Variants in GXYLT2 observed in about 807,000 individuals in gnomAD.
The protein encoded by GXYLT2 is glucoside xylosyltransferase 2.
Under a neutral mutation model 45.8 loss-of-function variants are expected in GXYLT2, and 53 were observed. The ratio of observed to expected loss-of-function variants is 1.16; its 90% confidence interval spans 0.93 to 1.46. GXYLT2 has a LOEUF of 1.46. Ranked by LOEUF, GXYLT2 falls within the 40% of genes most tolerant of loss-of-function variation. GXYLT2 has a pLI of 0.00. For synonymous variants in GXYLT2, 219 were observed against 214.2 expected (o/e 1.02, Z -0.19); for missense variants, 551 against 544.4 (o/e 1.01, Z -0.12).
At chr3:72,906,344 C>G (rs1709510080) in intron 1 of GXYLT2, among the ~76,000 whole-genome samples, 1 of 152,144 alleles carries the variant, frequency 6.6e-6, no homozygotes, top group Non-Finnish European at 1.5e-5. Flanking sequence ...TCGCTACCTC[C>G]CCTCCTGCAG....
rs3078688 is a variant in GXYLT2, at chr3:72,954,399, C to CTGTGTGTGTGTGTGTGTGTG, written c.601-683_601-664dup. ...GGAATTACAGGCCACTGCTCCCAGC[C>CTGTGTGTGTGTGTGTGTGTG]TGTGTGTGTGTGTGTGTGTGTGTGT... On this transcript the variant is annotated intron_variant, in intron 3 of 6. Coordinates refer to ENST00000389617, the MANE Select transcript of GXYLT2 (RefSeq NM_001080393.2). Among the ~76,000 whole-genome samples, 600 of 133,870 alleles carry CTGTGTGTGTGTGTGTGTGTG rather than the reference C, an allele frequency of 4.5e-3. 10 individuals are homozygous for CTGTGTGTGTGTGTGTGTGTG. The highest frequency in any genetic ancestry group is 0.016 in the African/African-American group (547 of 33,886). The allele number at this position is 133,870 out of a possible 152,430, so 87.8% of individuals were successfully genotyped here. A position where few individuals can be genotyped will look rare whatever the true frequency, so the allele number is the denominator to read the frequency against.
chr3:72,891,607 A>G (rs1006395698), intron 1 of GXYLT2, among the ~76,000 whole-genome samples: 2 of 152,216 alleles, frequency 1.3e-5, no homozygotes, highest in African/African-American at 4.8e-5. Context: ...AGTGCACAAA[A>G]CAAATGAAAT....
intron 1 of GXYLT2, among the ~76,000 whole-genome samples, chr3:72,905,857 T>C (rs1300929508): frequency 6.6e-6 from 1 of 152,232 alleles, no homozygotes; most frequent in Non-Finnish European, 1.5e-5. Flanking sequence ...AATCTCTTTA[T>C]TATTTGGATT....
At chr3:72,905,970 G>T (rs1251268304) in intron 1 of GXYLT2, among the ~76,000 whole-genome samples, 2 of 152,120 alleles carry the variant, frequency 1.3e-5, no homozygotes, top group African/African-American at 4.8e-5. Flanking sequence ...GCAGGTGAGG[G>T]TATTCATATT....
At chr3:72,919,887 A>G (rs1201451501) in intron 2 of GXYLT2, among the ~76,000 whole-genome samples, 1 of 152,224 alleles carries the variant, frequency 6.6e-6, no homozygotes, top group Non-Finnish European at 1.5e-5. Context: ...GCCAAAATCC[A>G]TAGAAAGAGT....
At chr3:72,968,559 C>G (rs1004822066) in intron 6 of GXYLT2, among the ~76,000 whole-genome samples, 1 of 152,198 alleles carries the variant, frequency 6.6e-6, no homozygotes, top group Non-Finnish European at 1.5e-5. Context: ...TTTTCCCCAC[C>G]AAAGGGTACA....
chr3:72,901,398 A>G (rs1157961770), intron 1 of GXYLT2, among the ~76,000 whole-genome samples: 1 of 150,924 alleles, frequency 6.6e-6, no homozygotes, highest in African/African-American at 2.4e-5. Context: ...CGAGAGGCAG[A>G]GGTTGCAGTA....
intron 3 of GXYLT2, among the ~76,000 whole-genome samples, chr3:72,944,257 T>C (rs1371619361): frequency 2.0e-5 from 1 of 49,864 alleles, no homozygotes; most frequent in Non-Finnish European, 4.0e-5. Context: ...CTGGCTCTTT[T>C]TTTTTCTTTT....
intron 5 of GXYLT2, among the ~76,000 whole-genome samples, chr3:72,958,339 A>G (rs1710690196): frequency 6.6e-6 from 1 of 152,036 alleles, no homozygotes; most frequent in Non-Finnish European, 1.5e-5. Flanking sequence ...AAAAAAAGCA[A>G]TCCTTACCCT....
chr3:72,975,345 T>TC lies in GXYLT2; in HGVS notation c.*187dup. On this transcript the variant is annotated 3_prime_UTR_variant, in exon 7 of 7. Transcript: ENST00000389617. ...GAATATGCTTTTCCTTATTTTTTTT[T>TC]CTAAAATGCTATTTATCTCTAAGGA... 1 of 414,492 alleles carries TC rather than the reference T, an allele frequency of 2.4e-6. No homozygotes were observed. 25.7% of individuals were successfully genotyped at this position (414,492 alleles called of 1,614,324 possible).
chr3:72,908,594 A>C, intron 2 of GXYLT2, 35 bp downstream of exon 2: 1 of 1,283,866 alleles, frequency 7.8e-7, no homozygotes, highest in South Asian at 1.4e-5. Flanking sequence ...AGTGTTTACT[A>C]AGTACAAACA....
intron 1 of GXYLT2, among the ~76,000 whole-genome samples, chr3:72,907,322 A>G (rs1395722456): frequency 3.3e-5 from 5 of 152,232 alleles, no homozygotes; most frequent in African/African-American, 9.6e-5. Flanking sequence ...CTGGTGAAAG[A>G]AATCTGGAGC....
chr3:72,889,716 GA>G (rs1470222227), intron 1 of GXYLT2, among the ~76,000 whole-genome samples: 2 of 152,082 alleles, frequency 1.3e-5, no homozygotes, highest in Admixed American at 6.5e-5. Flanking sequence ...AGTTTAATAT[GA>G]TTGCTAAGTT....
chr3:72,922,343 C>T lies in GXYLT2; in HGVS notation c.600+8C>T, dbSNP rs756674387. ...CAGAGACTCTTTCTTCCGGTAGGAA[C>T]ACCTGTTTTTAATAAGTTGTAGCTT... On this transcript the variant is annotated splice_region_variant and intron_variant, in intron 3 of 6. Coordinates refer to ENST00000389617, the MANE Select transcript of GXYLT2 (RefSeq NM_001080393.2). The T allele has an allele frequency of 6.2e-7, 1 of 1,609,432 alleles. No individual in the cohort carries two copies. Among genetic ancestry groups the T allele is most frequent in the Admixed American group, 1.7e-5 (1 of 58,848 alleles).
intron 5 of GXYLT2, among the ~76,000 whole-genome samples, chr3:72,958,452 T>A (rs1435609520): frequency 6.6e-6 from 1 of 152,086 alleles, no homozygotes; most frequent in Non-Finnish European, 1.5e-5. Flanking sequence ...TTGGAACACA[T>A]ATTGTGTACC....
At chr3:72,929,093 G>A in intron 3 of GXYLT2, 1 of 1,591,468 alleles carries the variant, frequency 6.3e-7, no homozygotes, top group Non-Finnish European at 8.5e-7. Context: ...CCAGGACTCA[G>A]AGGCCGTCAT....
intron 2 of GXYLT2, among the ~76,000 whole-genome samples, chr3:72,913,892 G>A (rs1369489269): frequency 6.6e-6 from 1 of 152,054 alleles, no homozygotes; most frequent in East Asian, 1.9e-4. Flanking sequence ...TGGTGGTGAG[G>A]CCAAATCAGA....
At chr3:72,894,189 G>C (rs1034894520) in intron 1 of GXYLT2, among the ~76,000 whole-genome samples, 5 of 152,200 alleles carry the variant, frequency 3.3e-5, no homozygotes, top group Admixed American at 6.5e-5. Flanking sequence ...AGAAAATACA[G>C]GTCCTTGAGG....
intron 3 of GXYLT2, among the ~76,000 whole-genome samples, chr3:72,925,650 A>C (rs562011038): frequency 4.6e-4 from 70 of 152,316 alleles, no homozygotes; most frequent in African/African-American, 1.6e-3. Context: ...TAGAAAACCA[A>C]AGGTAATGTT....
Sources: gnomAD v4.1 joint callset for allele counts (sites outside exome capture counted in the v4.1 genomes callset) on GRCh38, gnomAD v4.1.1 for gene constraint, MANE v1.5 for transcripts, NCBI Gene and HGNC (gene_info 2026-07-23, HGNC 2026-07-21) for gene names.